FYN: variants seen among roughly 807,000 people sequenced by gnomAD.
FYN encodes the protein FYN proto-oncogene, Src family tyrosine kinase.
FYN carries 10 observed loss-of-function variants against 70.2 expected under a neutral mutation model. The ratio of observed to expected loss-of-function variants is 0.14; its 90% CI spans 0.09 to 0.24. The LOEUF is 0.24. Ranked by LOEUF, FYN falls within the 10% of genes least tolerant of loss-of-function variation. The pLI is 1.00. For missense variants in FYN, 319 were observed against 673.1 expected (o/e 0.47, Z 5.82); for synonymous variants, 236 against 248.6 (o/e 0.95, Z 0.48).
intron 1 of FYN, among the ~76,000 whole-genome samples, chr6:111,862,698 T>G (rs948664781): frequency 1.8e-4 from 28 of 152,292 alleles, no homozygotes; most frequent in African/African-American, 6.3e-4. Context: ...CTTGGGCAAG[T>G]TGTAAAAACC....
At position 111,694,409 on chromosome 6, in the gene FYN, T is replaced by G; in HGVS notation, c.1239A>C (p.Arg413=). The G allele has an allele frequency of 6.2e-7, 1 of 1,614,192 alleles. No homozygotes were observed. The highest frequency in any genetic ancestry group is 2.2e-5 in the East Asian group (1 of 44,874). ...ICKIADFGLA[R]LIEDNEYTAR... is the part of the protein sequence containing the mutation. ...CTGTGTACTCATTGTCTTCTATCAA[T>G]CGGGCCAATCCGAAGTCAGCAATCT... Residue 413 remains arginine (R), a synonymous_variant, in exon 12 of 14, where the codon CGA becomes CGC. Transcript: ENST00000354650. This position sits in a 1 kb window ranked among gnomAD's most constrained non-coding sequence, Gnocchi z 5.0.
At chr6:111,662,200 G>A (rs1184677305) in intron 13 of FYN, among the ~76,000 whole-genome samples, 1 of 152,124 alleles carries the variant, frequency 6.6e-6, no homozygotes, top group Non-Finnish European at 1.5e-5. Flanking sequence ...GGCAACATAC[G>A]GTATGATTTC....
At chr6:111,790,091 CTG>C (rs71021863) in intron 2 of FYN, among the ~76,000 whole-genome samples, 23 of 150,330 alleles carry the variant, frequency 1.5e-4, no homozygotes, top group South Asian at 4.2e-4. Flanking sequence ...AGTATCAGAA[CTG>C]TGTGTGTGTG....
chr6:111,783,305 G>C (rs1771245109), intron 2 of FYN, among the ~76,000 whole-genome samples: 1 of 152,188 alleles, frequency 6.6e-6, no homozygotes, highest in South Asian at 2.1e-4. Flanking sequence ...GTGACTCTTA[G>C]GACAAGTGGG....
chr6:111,673,622 G>GTTTTT lies in FYN; in HGVS notation c.1405+872_1405+876dup, dbSNP rs71021858. Among the ~76,000 whole-genome samples, 841 of 116,522 alleles carry GTTTTT rather than the reference G, an allele frequency of 7.2e-3. 24 individuals are homozygous for GTTTTT. The highest frequency in any genetic ancestry group is 0.025 in the African/African-American group (783 of 31,628). The allele number at this position is 116,522 out of a possible 152,430, so 76.4% of individuals were successfully genotyped here. On this transcript the variant is annotated intron_variant, in intron 13 of 13. Transcript: ENST00000354650. ...AATCGTCACTATCGTTTCTATCATT[G>GTTTTT]TTTTTTTTTTTTTTTTTTTCTTTAA...
At chr6:111,817,877 C>T (rs560325117) in intron 2 of FYN, among the ~76,000 whole-genome samples, 3 of 152,180 alleles carry the variant, frequency 2.0e-5, no homozygotes, top group Non-Finnish European at 4.4e-5. Context: ...ACAAGAGCAG[C>T]GTGATTCCTC....
chr6:111,822,575 C>G (rs1240538219), intron 2 of FYN, among the ~76,000 whole-genome samples: 1 of 151,700 alleles, frequency 6.6e-6, no homozygotes, highest in Non-Finnish European at 1.5e-5. Context: ...CACATGTATA[C>G]ATATGTAACA....
At chr6:111,696,490 A>T in intron 9 of FYN, 34 bp from the exon 10 acceptor site, 1 of 1,490,104 alleles carries the variant, frequency 6.7e-7, no homozygotes, top group South Asian at 1.4e-5. Flanking sequence ...GTCAAACCAA[A>T]GATCTTCTTT....
At chr6:111,724,203 G>A (rs990936801) in intron 3 of FYN, among the ~76,000 whole-genome samples, 3 of 152,106 alleles carry the variant, frequency 2.0e-5, no homozygotes, top group African/African-American at 7.2e-5. Context: ...AAGGAACGCC[G>A]CACCCTGCTC....
At chr6:111,838,158 A>T (rs1773247569) in intron 2 of FYN, among the ~76,000 whole-genome samples, 1 of 152,148 alleles carries the variant, frequency 6.6e-6, no homozygotes, top group Non-Finnish European at 1.5e-5. Context: ...TGAATGCAAG[A>T]TTCCAGTCCC....
intron 2 of FYN, among the ~76,000 whole-genome samples, chr6:111,811,114 G>A (rs778655865): frequency 6.6e-6 from 1 of 152,186 alleles, no homozygotes; most frequent in Non-Finnish European, 1.5e-5. Context: ...TTCTGCCTGT[G>A]CCTTTGCTGA....
chr6:111,842,287 A>C (rs1708635248), intron 2 of FYN, among the ~76,000 whole-genome samples: 1 of 152,120 alleles, frequency 6.6e-6, no homozygotes, highest in South Asian at 2.1e-4. Context: ...GGCCTGAGGA[A>C]CAATTCCCGT....
Position 111,843,812 on chromosome 6 carries a change from G to A in FYN, c.-82+2777C>T, listed in dbSNP as rs569744014. Among the ~76,000 whole-genome samples, 5 of 152,238 alleles carry A rather than the reference G, an allele frequency of 3.3e-5. No homozygotes were observed. In the South Asian group the frequency reaches 1.0e-3, roughly 32 times the overall value. On this transcript the variant is annotated intron_variant, in intron 2 of 13. Coordinates refer to ENST00000354650, the MANE Select transcript of FYN (RefSeq NM_002037.5). ...TGAACACTGCTGTCAGACAGTCACT[G>A]CACAGATAACTATGCAACCACAATG...
chr6:111,674,816 G>GT (rs1266133527), intron 12 of FYN, among the ~76,000 whole-genome samples, 186 bp from the exon 13 acceptor site: 6 of 152,230 alleles, frequency 3.9e-5, no homozygotes, highest in Admixed American at 2.0e-4. Context: ...CTGTGTGACC[G>GT]TAAGTAATCC....
intron 4 of FYN, among the ~76,000 whole-genome samples, chr6:111,719,080 T>C (rs1800808988): frequency 6.6e-6 from 1 of 152,192 alleles, no homozygotes. Flanking sequence ...TTTCAAACTT[T>C]TGCAATAAAC....
Position 111,789,485 on chromosome 6 carries a change from G to A in FYN, c.-81-8850C>T, listed in dbSNP as rs191075309. ...CATATTATTATTACTATATTTCAACGTTAAGGCCATGAGTACCCAGTTTAT... is the reference window on the plus strand; with the variant it reads ...CATATTATTATTACTATATTTCAACATTAAGGCCATGAGTACCCAGTTTAT... On this transcript the variant is annotated intron_variant, in intron 2 of 13. Coordinates refer to ENST00000354650, the MANE Select transcript of FYN (RefSeq NM_002037.5). 9.2e-5 allele frequency among the ~76,000 whole-genome samples: 14 copies of A among 152,160 alleles called. 1 individual carries two copies. The highest frequency in any genetic ancestry group is 2.0e-4 in the Admixed American group (3 of 15,290).
chr6:111,820,030 A>C (rs1458450074), intron 2 of FYN: 2 of 152,212 alleles, frequency 1.3e-5, no homozygotes, highest in African/African-American at 4.8e-5. Flanking sequence ...CGGGAACATT[A>C]CAGGACCATG....
In FYN at chr6:111,660,475, G is replaced by T. The variant is rs1797696831; in HGVS notation, c.*1264C>A. On this transcript the variant is annotated 3_prime_UTR_variant, in exon 14 of 14. Transcript: ENST00000354650. ...AGTATTAAAAACTCAATAGAAATAG[G>T]ATTTTTGATTTGTTGTTGTTAAACA... 1 of 152,140 alleles carries T rather than the reference G, an allele frequency of 6.6e-6. No homozygotes were observed. Among genetic ancestry groups the T allele is most frequent in the Non-Finnish European group, 1.5e-5 (1 of 68,026 alleles). The allele number at this position is 152,140 out of a possible 1,614,324, so 9.4% of individuals were successfully genotyped here. A position where few individuals can be genotyped will look rare whatever the true frequency, so the allele number is the denominator to read the frequency against.
At chr6:111,756,768 T>A (rs1802755601) in intron 3 of FYN, among the ~76,000 whole-genome samples, 1 of 152,176 alleles carries the variant, frequency 6.6e-6, no homozygotes, top group South Asian at 2.1e-4. Flanking sequence ...ATTAACACAT[T>A]TATAATTTTT....
Sources: allele counts gnomAD v4.1 joint callset (sites outside exome capture counted in the v4.1 genomes callset), GRCh38; gene constraint gnomAD v4.1.1; non-coding constraint Gnocchi (gnomAD v3.1); transcripts MANE v1.5; gene names NCBI Gene and HGNC (gene_info 2026-07-23, HGNC 2026-07-21).